The following KCNIP4 variants were observed in gnomAD, a reference collection of about 807,000 sequenced individuals.
The protein encoded by KCNIP4 is Kv channel-interacting protein 4.
Under a neutral mutation model 34.0 loss-of-function variants are expected in KCNIP4, and 12 were observed. The ratio of observed to expected loss-of-function variants is 0.35; its 90% CI spans 0.23 to 0.57. The LOEUF is 0.57. Ranked by LOEUF, KCNIP4 falls within the 20% of genes least tolerant of loss-of-function variation. The pLI, the probability that KCNIP4 is intolerant of heterozygous loss-of-function variation, is 0.83. For missense variants in KCNIP4, 238 were observed against 311.7 expected (o/e 0.76, Z 1.78); for synonymous variants, 124 against 102.2 (o/e 1.21, Z -1.29).
At chr4:21,869,783 T>TAGATAGACAGACAGAC (rs1553940907) in intron 1 of KCNIP4, among the ~76,000 whole-genome samples, 18 of 143,870 alleles carry the variant, frequency 1.3e-4, no homozygotes, top group African/African-American at 4.8e-4. Context: ...GATAGATAGA[T>TAGATAGACAGACAGAC]AGACAGACAG....
At chr4:21,633,251 G>C (rs536174193) in intron 1 of KCNIP4, among the ~76,000 whole-genome samples, 3 of 152,196 alleles carry the variant, frequency 2.0e-5, no homozygotes, top group African/African-American at 7.2e-5. Flanking sequence ...AGGTATAGTG[G>C]AGACTGCTAG....
chr4:20,872,492 G>A (rs929739173), intron 2 of KCNIP4, among the ~76,000 whole-genome samples: 1 of 152,120 alleles, frequency 6.6e-6, no homozygotes, highest in African/African-American at 2.4e-5. Flanking sequence ...ACAATGCTCT[G>A]TATTTTATAG....
At chr4:21,871,785 C>T (rs1725832931) in intron 1 of KCNIP4, among the ~76,000 whole-genome samples, 2 of 144,616 alleles carry the variant, frequency 1.4e-5, no homozygotes, top group Non-Finnish European at 3.0e-5. Context: ...CCCACCCCCA[C>T]CCCCCGCCTT....
At position 21,239,973 on chromosome 4, in the gene KCNIP4, C is replaced by G. The variant is rs1255184852; in HGVS notation, c.62-357264G>C. On this transcript the variant is annotated intron_variant, in intron 1 of 8. Transcript: ENST00000382152. ...ACAATAGCAAAGACTTGGAACCAAC[C>G]CAAATGTCCAACAATGATAGATTGG... is the stretch of plus-strand genomic sequence containing the variant. 8.6e-5 allele frequency among the ~76,000 whole-genome samples: 13 copies of G among 152,036 alleles called. No individual in the cohort carries two copies. In the South Asian group the frequency reaches 2.5e-3, roughly 29 times the overall value.
intron 1 of KCNIP4, among the ~76,000 whole-genome samples, chr4:21,680,542 C>A (rs978991523): frequency 6.6e-6 from 1 of 152,132 alleles, no homozygotes; most frequent in Non-Finnish European, 1.5e-5. Flanking sequence ...TTACTTTTCC[C>A]AGATCATCAG....
intron 2 of KCNIP4, among the ~76,000 whole-genome samples, chr4:20,869,391 G>A (rs1438192899): frequency 6.6e-6 from 1 of 152,046 alleles, no homozygotes; most frequent in African/African-American, 2.4e-5. Context: ...TAAGGTAACT[G>A]TGGGCATTAA....
At chr4:20,822,085 A>G (rs2149446133) in intron 3 of KCNIP4, among the ~76,000 whole-genome samples, 1 of 152,300 alleles carries the variant, frequency 6.6e-6, no homozygotes, top group African/African-American at 2.4e-5. Context: ...TAAACTAAAA[A>G]GCTTCTACAC....
At chr4:21,117,125 G>T (rs1002359392) in intron 1 of KCNIP4, among the ~76,000 whole-genome samples, 6 of 152,094 alleles carry the variant, frequency 3.9e-5, no homozygotes, top group African/African-American at 1.4e-4. Flanking sequence ...GACTCAGAGA[G>T]CTTAGGCAGG....
intron 1 of KCNIP4, among the ~76,000 whole-genome samples, chr4:21,489,321 G>A (rs1396780766): frequency 2.0e-4 from 25 of 125,492 alleles, no homozygotes; most frequent in South Asian, 2.7e-4. Flanking sequence ...ACATAGAGTT[G>A]AAAAAAAAAA....
intron 1 of KCNIP4, among the ~76,000 whole-genome samples, chr4:21,584,518 T>C (rs7654898): frequency 0.027 from 4,040 of 152,126 alleles, 177 homozygotes; most frequent in African/African-American, 0.091. Context: ...AGTGAAAATT[T>C]AGAGAGTATA....
intron 1 of KCNIP4, among the ~76,000 whole-genome samples, chr4:21,172,990 G>A (rs941989408): frequency 5.3e-5 from 8 of 152,162 alleles, no homozygotes; most frequent in South Asian, 2.1e-4. Flanking sequence ...ACTACAGCTC[G>A]TATGGCTAAC....
At chr4:21,749,501 A>G (rs1270651735) in intron 1 of KCNIP4, among the ~76,000 whole-genome samples, 1 of 152,152 alleles carries the variant, frequency 6.6e-6, no homozygotes, top group East Asian at 1.9e-4. Flanking sequence ...ACTTGACACC[A>G]TTCCCAGACA....
At chr4:20,847,624 T>C (rs902630037) in intron 3 of KCNIP4, among the ~76,000 whole-genome samples, 6 of 152,158 alleles carry the variant, frequency 3.9e-5, no homozygotes, top group Non-Finnish European at 5.9e-5. Flanking sequence ...AGGGAGGAGA[T>C]ATTTCTCTCA....
At position 20,732,565 on chromosome 4, in the gene KCNIP4, T is replaced by C. The variant is rs947268474; in HGVS notation, c.642+116A>G. ...AATTAATAGGATGCTAAATACTGTT[T>C]TGTTTCAGTAAAAATTATTTTCCTT... On this transcript the variant is annotated intron_variant, in intron 7 of 8. Coordinates refer to ENST00000382152, the MANE Select transcript of KCNIP4 (RefSeq NM_025221.6). The C allele has an allele frequency of 7.1e-6, 5 of 707,534 alleles. No individual in the cohort carries two copies. The Admixed American group carries it at 7.2e-5, about 10-fold the overall frequency. The allele number at this position is 707,534 out of a possible 1,614,324, so 43.8% of individuals were successfully genotyped here. A position where few individuals can be genotyped will look rare whatever the true frequency, so the allele number is the denominator to read the frequency against.
At chr4:21,248,938 C>G (rs1260374664) in intron 1 of KCNIP4, among the ~76,000 whole-genome samples, 1 of 152,148 alleles carries the variant, frequency 6.6e-6, no homozygotes, top group African/African-American at 2.4e-5. Flanking sequence ...GCTGTTGTAT[C>G]TCCCCATGAG....
intron 1 of KCNIP4, among the ~76,000 whole-genome samples, chr4:21,794,392 G>A (rs1720497174): frequency 6.6e-6 from 1 of 152,094 alleles, no homozygotes; most frequent in Admixed American, 6.6e-5. Context: ...TAATTGAATG[G>A]GTACATTTTC....
At chr4:21,051,153 C>T (rs1329431043) in intron 1 of KCNIP4, among the ~76,000 whole-genome samples, 1 of 152,244 alleles carries the variant, frequency 6.6e-6, no homozygotes, top group Non-Finnish European at 1.5e-5. Flanking sequence ...TGGGGCACAG[C>T]ACTTGGGCTT....
intron 1 of KCNIP4, among the ~76,000 whole-genome samples, chr4:21,912,673 G>A (rs1728403058): frequency 6.6e-6 from 1 of 152,114 alleles, no homozygotes; most frequent in African/African-American, 2.4e-5. Flanking sequence ...TCCTGAGACT[G>A]AAAGAAGGGT....
Position 20,943,202 on chromosome 4 carries a change from G to GA in KCNIP4, c.62-60494_62-60493insT, listed in dbSNP as rs1200666054. On this transcript the variant is annotated intron_variant, in intron 1 of 8. Coordinates refer to ENST00000382152, the MANE Select transcript of KCNIP4 (RefSeq NM_025221.6). Reference sequence around the variant, plus strand: ...TTAAAAATATAACCAACTGAATTTGGTGAGGAATTCAGTGATGCTATAATG... The same window carrying GA: ...TTAAAAATATAACCAACTGAATTTGGATGAGGAATTCAGTGATGCTATAATG... Among the ~76,000 whole-genome samples, 27 of 152,132 alleles carry GA rather than the reference G, an allele frequency of 1.8e-4. No homozygotes were observed. In the East Asian group the frequency reaches 5.0e-3, roughly 28 times the overall value.
Sources: gnomAD v4.1 joint callset for allele counts (sites outside exome capture counted in the v4.1 genomes callset) on GRCh38, gnomAD v4.1.1 for gene constraint, MANE v1.5 for transcripts, NCBI Gene and HGNC (gene_info 2026-07-23, HGNC 2026-07-21) for gene names.